The following XKR6 variants were observed in gnomAD, a reference collection of about 807,000 sequenced individuals.
The protein encoded by XKR6 is XK-related protein 6.
XKR6 carries 22 observed loss-of-function variants against 56.7 expected under a neutral mutation model. The ratio of observed to expected loss-of-function variants is 0.39; its 90% CI spans 0.28 to 0.55. The LOEUF is 0.55. Among genes scored for constraint, XKR6 ranks in the 20% least tolerant of loss-of-function variants. The probability of loss-of-function intolerance (pLI) is 0.66; values close to 1 mark genes in which losing one functional copy is unlikely to be tolerated. For missense variants in XKR6, 852 were observed against 889.0 expected (o/e 0.96, Z 0.53); for synonymous variants, 524 against 387.8 (o/e 1.35, Z -4.13).
chr8:11,188,989 C>T (rs947914118), intron 1 of XKR6, among the ~76,000 whole-genome samples: 2 of 152,168 alleles, frequency 1.3e-5, no homozygotes, highest in African/African-American at 4.8e-5. Flanking sequence ...TACCAGTAAA[C>T]ACCATCCAAC....
chr8:11,059,150 CCA>C (rs1799762301), intron 1 of XKR6, among the ~76,000 whole-genome samples: 3 of 152,212 alleles, frequency 2.0e-5, no homozygotes, highest in Non-Finnish European at 4.4e-5. Flanking sequence ...GAGCCTGCAT[CCA>C]CGGCGTGGCG....
chr8:10,924,596 C>G, intron 2 of XKR6, 38 bp downstream of exon 2: 3 of 1,574,058 alleles, frequency 1.9e-6, no homozygotes, highest in Non-Finnish European at 2.6e-6. Flanking sequence ...AGGTGGAGGG[C>G]AGGCCGGGGT....
chr8:11,055,314 G>C (rs1799654963), intron 1 of XKR6, among the ~76,000 whole-genome samples: 1 of 152,092 alleles, frequency 6.6e-6, no homozygotes, highest in African/African-American at 2.4e-5. Context: ...CCTAGGGTGG[G>C]GGAGGAGGCA....
chr8:11,175,519 G>C (rs1802611232), intron 1 of XKR6: 1 of 152,446 alleles, frequency 6.6e-6, no homozygotes, highest in African/African-American at 2.4e-5. Context: ...TTGCACCGAA[G>C]AAAAAGATAC....
chr8:10,903,488 G>A (rs1455890038), intron 2 of XKR6, among the ~76,000 whole-genome samples: 1 of 152,122 alleles, frequency 6.6e-6, no homozygotes, highest in Non-Finnish European at 1.5e-5. Context: ...GGCCTGGGGA[G>A]GTAGGTGCTA....
chr8:11,023,439 T>A (rs1461524689), intron 1 of XKR6, among the ~76,000 whole-genome samples: 1 of 152,202 alleles, frequency 6.6e-6, no homozygotes, highest in Non-Finnish European at 1.5e-5. Flanking sequence ...ACTAATTTTA[T>A]TTTTTGTAGA....
chr8:11,002,077 A>C (rs1329851920), intron 1 of XKR6, among the ~76,000 whole-genome samples: 6 of 141,996 alleles, frequency 4.2e-5, no homozygotes, highest in African/African-American at 1.1e-4. Flanking sequence ...AAAAAAAAAA[A>C]AAAACACACA....
intron 1 of XKR6, among the ~76,000 whole-genome samples, chr8:11,085,089 C>T (rs1797842476): frequency 6.6e-6 from 1 of 152,112 alleles, no homozygotes; most frequent in Non-Finnish European, 1.5e-5. Flanking sequence ...TCCTCCTCCG[C>T]CTCCTCCTTC....
chr8:10,931,467 C>A (rs993255949), intron 1 of XKR6, among the ~76,000 whole-genome samples: 2 of 151,912 alleles, frequency 1.3e-5, no homozygotes, highest in Non-Finnish European at 2.9e-5. Flanking sequence ...CAAAACAATT[C>A]TAAAAGTGAA....
At chr8:11,125,542 T>C (rs1799733602) in intron 1 of XKR6, among the ~76,000 whole-genome samples, 1 of 152,176 alleles carries the variant, frequency 6.6e-6, no homozygotes, top group African/African-American at 2.4e-5. Context: ...GGAGATGATG[T>C]GAGTCCTGTC....
chr8:11,000,463 A>G (rs1798212321), intron 1 of XKR6, among the ~76,000 whole-genome samples: 1 of 152,172 alleles, frequency 6.6e-6, no homozygotes, highest in Non-Finnish European at 1.5e-5. Flanking sequence ...AGGTGGATGC[A>G]TCACTTGACG....
At position 10,905,045 on chromosome 8, in the gene XKR6, C is replaced by G. The variant is rs1302656935; in HGVS notation, c.962-6129G>C. Among the ~76,000 whole-genome samples, 3 of 152,202 alleles carry G rather than the reference C, an allele frequency of 2.0e-5. No individual in the cohort carries two copies. In the East Asian group the frequency reaches 5.8e-4, roughly 29 times the overall value. ...CTCCCCAGATCCCAGCTTCCTGACT[C>G]TTTCCTCCCCAGCTCCTTCTTCCTG... On this transcript the variant is annotated intron_variant, in intron 2 of 2. Transcript: ENST00000416569.
chr8:11,070,000 A>G (rs1229827668), intron 1 of XKR6, among the ~76,000 whole-genome samples: 2 of 152,216 alleles, frequency 1.3e-5, no homozygotes, highest in Admixed American at 1.3e-4. Context: ...GCATTTCCCA[A>G]GCAGTGTTTC....
At chr8:10,990,176 TTA>T (rs1373551955) in intron 1 of XKR6, among the ~76,000 whole-genome samples, 4 of 152,294 alleles carry the variant, frequency 2.6e-5, no homozygotes, top group African/African-American at 9.6e-5. Flanking sequence ...GAGTAGAGGT[TTA>T]TACCTGCATG....
intron 1 of XKR6, among the ~76,000 whole-genome samples, chr8:10,945,656 C>T (rs137887120): frequency 1.4e-4 from 21 of 152,280 alleles, no homozygotes; most frequent in Middle Eastern, 3.4e-3. Flanking sequence ...CTGGTACTTA[C>T]GGGCATTTGA....
At chr8:10,986,396 G>C (rs1037634352) in intron 1 of XKR6, among the ~76,000 whole-genome samples, 2 of 152,044 alleles carry the variant, frequency 1.3e-5, no homozygotes, top group African/African-American at 4.8e-5. Flanking sequence ...ATGATGCCCA[G>C]AATAAAAGGA....
intron 1 of XKR6, among the ~76,000 whole-genome samples, chr8:11,145,676 T>C: frequency 6.6e-6 from 1 of 152,158 alleles, no homozygotes; most frequent in East Asian, 1.9e-4. Context: ...CACTGAGAAC[T>C]ACAACATAAT....
chr8:11,090,106 C>T (rs1024394254), intron 1 of XKR6, among the ~76,000 whole-genome samples: 3 of 152,164 alleles, frequency 2.0e-5, no homozygotes, highest in Non-Finnish European at 4.4e-5. Flanking sequence ...TTTTCCCACA[C>T]AGAGTCTTGC....
chr8:10,909,566 T>G (rs1800288089), intron 2 of XKR6, among the ~76,000 whole-genome samples: 1 of 152,196 alleles, frequency 6.6e-6, no homozygotes, highest in African/African-American at 2.4e-5. Flanking sequence ...GTGTGGGTAT[T>G]TTTCTCATGA....
Sources: gnomAD v4.1 joint callset for allele counts (sites outside exome capture counted in the v4.1 genomes callset) on GRCh38, gnomAD v4.1.1 for gene constraint, MANE v1.5 for transcripts, NCBI Gene and HGNC (gene_info 2026-07-23, HGNC 2026-07-21) for gene names.